The following PHTF2 variants were observed in gnomAD, a reference collection of about 807,000 sequenced individuals.
PHTF2 encodes the protein protein PHTF2.
Under a neutral mutation model 101.2 loss-of-function variants are expected in PHTF2, and 60 were observed. That is an observed-to-expected ratio of 0.59 (90% CI 0.48 to 0.73). PHTF2 has a LOEUF of 0.73. PHTF2 is among the 30% of genes least tolerant of loss of function. PHTF2 has a pLI of 0.00. For missense variants in PHTF2, 747 were observed against 908.7 expected (o/e 0.82, Z 2.29); for synonymous variants, 311 against 307.3 (o/e 1.01, Z -0.13).
intron 3 of PHTF2, among the ~76,000 whole-genome samples, chr7:77,889,104 T>G (rs1405289911): frequency 1.3e-5 from 2 of 152,206 alleles, no homozygotes; most frequent in Admixed American, 6.5e-5. Flanking sequence ...TCCATGACCC[T>G]AAGTCTTGAG....
At chr7:77,922,847 C>A in intron 11 of PHTF2, 69 bp downstream of exon 10, 1 of 1,290,026 alleles carries the variant, frequency 7.8e-7, no homozygotes, top group Non-Finnish European at 1.0e-6. Flanking sequence ...TAACTTCTTT[C>A]AACAATTAAA....
chr7:77,850,037 C>T (rs61253963), intron 2 of PHTF2, among the ~76,000 whole-genome samples: 17,218 of 151,702 alleles, frequency 0.11, 1,463 homozygotes, highest in African/African-American at 0.23. Flanking sequence ...CTTCCATTGC[C>T]GTGTTGAATA....
At chr7:77,820,741 G>C (rs1794220138) in intron 1 of PHTF2, among the ~76,000 whole-genome samples, 1 of 152,086 alleles carries the variant, frequency 6.6e-6, no homozygotes. Context: ...TGATTAAATG[G>C]GGAATTTAAT....
chr7:77,914,707 G>T (rs1443443638), intron 9 of PHTF2, among the ~76,000 whole-genome samples: 1 of 151,992 alleles, frequency 6.6e-6, no homozygotes, highest in Admixed American at 6.6e-5. Flanking sequence ...GAATCTTAGG[G>T]ATTCTCAAAA....
At chr7:77,932,351 G>A (rs1179455296) in intron 12 of PHTF2, among the ~76,000 whole-genome samples, 1 of 152,094 alleles carries the variant, frequency 6.6e-6, no homozygotes, top group Non-Finnish European at 1.5e-5. Flanking sequence ...TTGACAGGAA[G>A]AGGAAAACAT....
At chr7:77,910,317 A>C in exon 9 of PHTF2, 2 of 1,613,608 alleles carry the variant, frequency 1.2e-6, no homozygotes, top group African/African-American at 1.3e-5. Flanking sequence ...ATAACACACA[A>C]GAGGGAGCAG....
At chr7:77,800,936 A>G (rs573575579) in intron 1 of PHTF2, among the ~76,000 whole-genome samples, 1 of 152,352 alleles carries the variant, frequency 6.6e-6, no homozygotes, top group East Asian at 1.9e-4. Context: ...CTACATTCCA[A>G]GCCATTATAC....
chr7:77,949,937 T>A (rs1352253299), intron 17 of PHTF2, 104 bp downstream of exon 16: 15 of 627,992 alleles, frequency 2.4e-5, no homozygotes, highest in Non-Finnish European at 3.3e-5. Context: ...TTAAGGTCAT[T>A]TGTGCTATAA....
intron 15 of PHTF2, 32 bp downstream of exon 14, chr7:77,940,691 A>G (rs1336156681): frequency 6.7e-7 from 1 of 1,497,910 alleles, no homozygotes; most frequent in Non-Finnish European, 9.1e-7. Flanking sequence ...TAGCTTTAAC[A>G]TGCTGGCCCT....
At chr7:77,832,215 C>T (rs1425561594) in intron 1 of PHTF2, among the ~76,000 whole-genome samples, 1 of 152,078 alleles carries the variant, frequency 6.6e-6, no homozygotes. Flanking sequence ...CATTCAAAGC[C>T]AAACTGGAAT....
At chr7:77,885,633 T>G (rs530874731) in intron 3 of PHTF2, among the ~76,000 whole-genome samples, 15 of 152,000 alleles carry the variant, frequency 9.9e-5, no homozygotes, top group Non-Finnish European at 1.2e-4. Context: ...TTAGTAGAGA[T>G]AGGGTTTCAC....
chr7:77,935,170 AT>A (rs376407913), intron 12 of PHTF2, among the ~76,000 whole-genome samples: 14 of 65,850 alleles, frequency 2.1e-4, no homozygotes, highest in African/African-American at 8.3e-4. Context: ...TTTTTTATTT[AT>A]TTTTTCAAGT....
At chr7:77,941,501 A>G (rs1584778763) in intron 15 of PHTF2, among the ~76,000 whole-genome samples, 1 of 152,238 alleles carries the variant, frequency 6.6e-6, no homozygotes, top group Non-Finnish European at 1.5e-5. Flanking sequence ...TTCCGTAAAC[A>G]CTTATTTATG....
intron 1 of PHTF2, among the ~76,000 whole-genome samples, chr7:77,823,441 GA>G: frequency 6.6e-6 from 1 of 150,384 alleles, no homozygotes; most frequent in Admixed American, 6.6e-5. Context: ...GGATGGTCTC[GA>G]TGTCTTGACC....
rs1309112968 is a variant in PHTF2 at position 77,940,475 on chromosome 7, GT to G, written c.1741-48del. 2.8e-5 allele frequency: 41 copies of G among 1,452,828 alleles called. No individual in the cohort carries two copies. The African/African-American group carries it at 3.3e-4, about 12-fold the overall frequency. 90.0% of individuals were successfully genotyped at this position (1,452,828 alleles called of 1,614,324 possible). A position where few individuals can be genotyped will look rare whatever the true frequency, so the allele number is the denominator to read the frequency against. On this transcript the variant is annotated intron_variant, in intron 14 of 19. Transcript: ENST00000416283. Reference sequence around the variant, plus strand: ...TAACAATTCATATTTTGTTAATTTTGTTTTTCTGTGGTAATCTACTTGAAAA... The same window carrying G: ...TAACAATTCATATTTTGTTAATTTTGTTTTCTGTGGTAATCTACTTGAAAA...
chr7:77,823,260 C>T (rs1027375941), intron 1 of PHTF2, among the ~76,000 whole-genome samples: 17 of 149,392 alleles, frequency 1.1e-4, no homozygotes, highest in African/African-American at 3.5e-4. Context: ...CTCGCTCTGT[C>T]GCCAGGCTGG....
Position 77,949,617 on chromosome 7 carries a change from T to C in PHTF2, c.1960-61T>C, listed in dbSNP as rs1806367676. On this transcript the variant is annotated intron_variant, in intron 16 of 19. Transcript: ENST00000416283. Reference sequence around the variant, plus strand: ...TTTATGAACAATCTATGTTTATTTCTTTTGAAAAGAAATTGTTTGAATCAC... The same window carrying C: ...TTTATGAACAATCTATGTTTATTTCCTTTGAAAAGAAATTGTTTGAATCAC... 4.2e-5 allele frequency: 36 copies of C among 849,220 alleles called. No individual in the cohort carries two copies. The South Asian group carries it at 6.2e-4, about 15-fold the overall frequency. 52.6% of individuals were successfully genotyped at this position (849,220 alleles called of 1,614,324 possible). A position where few individuals can be genotyped will look rare whatever the true frequency, so the allele number is the denominator to read the frequency against.
intron 5 of PHTF2, among the ~76,000 whole-genome samples, chr7:77,897,867 G>A (rs1052431395): frequency 5.3e-5 from 8 of 152,062 alleles, no homozygotes; most frequent in African/African-American, 1.4e-4. Flanking sequence ...TTTTAATAGA[G>A]ATGGAGTTTC....
At chr7:77,800,654 T>G (rs975851093) in intron 1 of PHTF2, among the ~76,000 whole-genome samples, 7 of 152,188 alleles carry the variant, frequency 4.6e-5, no homozygotes, top group African/African-American at 1.7e-4. Context: ...TTTTGGCTGG[T>G]CCATTTAATG....
Sources: allele counts gnomAD v4.1 joint callset (sites outside exome capture counted in the v4.1 genomes callset), GRCh38; gene constraint gnomAD v4.1.1; transcripts MANE v1.5; gene names NCBI Gene and HGNC (gene_info 2026-07-23, HGNC 2026-07-21).